HEATR3: variants seen among roughly 807,000 people sequenced by gnomAD.
HEATR3 encodes HEAT repeat-containing protein 3.
A neutral mutation model predicts 72.8 loss-of-function variants in HEATR3; 56 were observed. The observed-to-expected ratio is 0.77, with a 90% CI of 0.62 to 0.96. The LOEUF (loss-of-function observed/expected upper bound fraction) is 0.96, where lower values mean the gene tolerates loss of function less well. HEATR3 is among the 40% of genes least tolerant of loss of function. The probability of loss-of-function intolerance (pLI) is 0.00; values close to 1 mark genes in which losing one functional copy is unlikely to be tolerated. For missense variants in HEATR3, 747 were observed against 831.4 expected, an observed-to-expected ratio of 0.90 and a Z score of 1.25; for synonymous variants, 331 against 318.1, an observed-to-expected ratio of 1.04 and a Z score of -0.43.
In HEATR3 at chr16:50,084,178, A is replaced by G; in HGVS notation, c.1177A>G (p.Ser393Gly). Residue 393 changes from serine (S) to glycine (G), a missense_variant, in exon 9 of 15, where the codon AGT becomes GGT. Ser to Gly is a moderately conservative substitution (Grantham distance 56, BLOSUM62 0). This residue lies in a region of HEATR3 where 586 missense variants were observed against 708.8 expected (regional missense o/e 0.83). Coordinates refer to ENST00000299192, the MANE Select transcript of HEATR3 (RefSeq NM_182922.4). Reference protein sequence around the residue: ...EWEELSSSDESDAFMENSFSE... With the variant: ...EWEELSSSDEGDAFMENSFSE... ...GGAAGAGCTTTCTAGCAGTGATGAA[A>G]GTGACGCATTTATGGAGAATTCCTT... 6.2e-7 allele frequency: 1 copy of G among 1,614,158 alleles called. No homozygotes were observed. The highest frequency in any genetic ancestry group is 8.5e-7 in the Non-Finnish European group (1 of 1,180,036).
At chr16:50,096,075 A>G (rs62029887) in intron 12 of HEATR3, among the ~76,000 whole-genome samples, 10,554 of 152,184 alleles carry the variant, frequency 0.069, 502 homozygotes, top group Middle Eastern at 0.14. Context: ...CTGTAATCCC[A>G]GCACTTTGGG....
At chr16:50,069,611 G>A (rs527606545) in intron 3 of HEATR3, among the ~76,000 whole-genome samples, 3 of 152,268 alleles carry the variant, frequency 2.0e-5, no homozygotes, top group Non-Finnish European at 2.9e-5. Context: ...AAATGCACAC[G>A]ACAGCCCTTC....
At chr16:50,075,898 A>G (rs1375472171) in intron 6 of HEATR3, among the ~76,000 whole-genome samples, 187 bp downstream of exon 6, 1 of 152,214 alleles carries the variant, frequency 6.6e-6, no homozygotes, top group Admixed American at 6.5e-5. Flanking sequence ...ATCCTTGTAG[A>G]ATAGATTTGT....
In HEATR3 at chr16:50,066,494, T is replaced by G. The variant is rs1390855482; in HGVS notation, c.266T>G (p.Leu89Arg). ...DAVRRLGPLL[L>R]DPSLAVRETA... ...GTGCGCCGCCTCGGGCCGCTGCTGC[T>G]AGACCCCAGCCTGGCCGTCAGGGAG... Residue 89 changes from leucine (L) to arginine (R), a missense_variant, in exon 2 of 15, where the codon CTA becomes CGA. This residue lies in a region of HEATR3 where 586 missense variants were observed against 708.8 expected (regional missense o/e 0.83). Transcript: ENST00000299192. 2 of 1,337,076 alleles carry G rather than the reference T, an allele frequency of 1.5e-6. No individual in the cohort carries two copies. 82.8% of individuals were successfully genotyped at this position (1,337,076 alleles called of 1,614,324 possible).
In HEATR3 at chr16:50,107,043, T is replaced by G. The variant is rs1232253580; in HGVS notation, c.*1982T>G. Among the ~76,000 whole-genome samples the G allele has an allele frequency of 2.0e-5, 3 of 152,186 alleles. No homozygotes were observed. Among genetic ancestry groups the G allele is most frequent in the Non-Finnish European group, 4.4e-5 (3 of 68,054 alleles). ...CAGCTAAATGATTGGCCCAAGCATGTCTCCTTGGAGAACGACTCTTCCAAA... is the reference window on the plus strand; with the variant it reads ...CAGCTAAATGATTGGCCCAAGCATGGCTCCTTGGAGAACGACTCTTCCAAA... On this transcript the variant is annotated 3_prime_UTR_variant, in exon 15 of 15. Transcript: ENST00000299192.
chr16:50,100,212 C>T lies in HEATR3; in HGVS notation c.1600-18C>T, dbSNP rs769254141. 2 of 1,606,796 alleles carry T rather than the reference C, an allele frequency of 1.2e-6. No homozygotes were observed. Among genetic ancestry groups the T allele is most frequent in the South Asian group, 1.1e-5 (1 of 89,728 alleles). ...TTGAGTTTAACATTATAAATACTGT[C>T]CTCTTCTCTTTTAACAGTGCATGAC... On this transcript the variant is annotated intron_variant, in intron 12 of 14. Transcript: ENST00000299192.
chr16:50,094,345 C>T (rs2037183584), intron 11 of HEATR3, among the ~76,000 whole-genome samples: 1 of 152,224 alleles, frequency 6.6e-6, no homozygotes, highest in Non-Finnish European at 1.5e-5. Flanking sequence ...TAGTTCTACC[C>T]AGCACCCTGA....
chr16:50,069,502 A>G (rs902362715), intron 3 of HEATR3, among the ~76,000 whole-genome samples: 2 of 152,222 alleles, frequency 1.3e-5, no homozygotes, highest in Non-Finnish European at 2.9e-5. Context: ...TTCACAGGGC[A>G]TAACTGGCAA....
At chr16:50,082,339 T>C (rs1482354766) in intron 7 of HEATR3, among the ~76,000 whole-genome samples, 2 of 151,512 alleles carry the variant, frequency 1.3e-5, no homozygotes, top group Non-Finnish European at 2.9e-5. Flanking sequence ...CAAGACTCTG[T>C]CTCCAAAAAA....
chr16:50,094,569 AG>A (rs201933549), intron 11 of HEATR3, 135 bp from the exon 12 acceptor site: 67 of 515,030 alleles, frequency 1.3e-4, no homozygotes, highest in South Asian at 1.6e-4. Context: ...TTAAATATCG[AG>A]GGTTTTTTTT....
At position 50,105,040 on chromosome 16, in the gene HEATR3, T is replaced by C; in HGVS notation, c.2022T>C (p.Val674=). ...LRRFIAYQET[V]EKRLTS is the part of the protein sequence containing the mutation. ...GATTTATTGCTTATCAAGAAACTGTTGAGAAAAGACTGACTTCTTAAACAA... is the reference window on the plus strand; with the variant it reads ...GATTTATTGCTTATCAAGAAACTGTCGAGAAAAGACTGACTTCTTAAACAA... Residue 674 remains valine (V), a synonymous_variant, in exon 15 of 15, where the codon GTT becomes GTC. Coordinates refer to ENST00000299192, the MANE Select transcript of HEATR3 (RefSeq NM_182922.4). 1.9e-6 allele frequency: 3 copies of C among 1,612,184 alleles called. No individual in the cohort carries two copies. The highest frequency in any genetic ancestry group is 2.5e-6 in the Non-Finnish European group (3 of 1,179,570).
chr16:50,101,972 GA>G (rs1375136119), intron 13 of HEATR3, among the ~76,000 whole-genome samples: 1 of 152,132 alleles, frequency 6.6e-6, no homozygotes, highest in Non-Finnish European at 1.5e-5. Flanking sequence ...ACATCATGGA[GA>G]AATCCTTTTT....
At chr16:50,089,909 C>A (rs1367255680) in intron 11 of HEATR3, among the ~76,000 whole-genome samples, 3 of 152,160 alleles carry the variant, frequency 2.0e-5, no homozygotes, top group African/African-American at 7.2e-5. Flanking sequence ...TTGTGATCCA[C>A]CCGCCTCGAC....
At position 50,105,122 on chromosome 16, in the gene HEATR3, GT is replaced by G; in HGVS notation, c.*65del. The G allele has an allele frequency of 2.0e-6, 3 of 1,523,220 alleles. No individual in the cohort carries two copies. The South Asian group carries it at 3.6e-5, about 18-fold the overall frequency. The allele number at this position is 1,523,220 out of a possible 1,614,324, so 94.4% of individuals were successfully genotyped here. On this transcript the variant is annotated 3_prime_UTR_variant, in exon 15 of 15. Transcript: ENST00000299192. ...TATTCAATGCTTAGAATACTAAAAG[GT>G]TTTCTTTGAATGTATATGTTTCTGA...
intron 4 of HEATR3, among the ~76,000 whole-genome samples, chr16:50,070,558 C>T (rs925151137): frequency 3.3e-5 from 5 of 152,064 alleles, no homozygotes; most frequent in Non-Finnish European, 2.9e-5. Flanking sequence ...AAAAATTAGC[C>T]GAGTGTGGTG....
At chr16:50,082,525 G>T (rs148422364) in intron 7 of HEATR3, among the ~76,000 whole-genome samples, 23 of 150,092 alleles carry the variant, frequency 1.5e-4, no homozygotes, top group African/African-American at 5.1e-4. Context: ...CCAATAAGTA[G>T]AATTCAAATT....
At position 50,083,998 on chromosome 16, in the gene HEATR3, A is replaced by G; in HGVS notation, c.1103A>G (p.Glu368Gly). 1.2e-6 allele frequency: 2 copies of G among 1,613,838 alleles called. No individual in the cohort carries two copies. The highest frequency in any genetic ancestry group is 1.7e-5 in the Admixed American group (1 of 60,002). ...ALLTAQQTAL[E>G]IIVNMCCNED... is the part of the protein sequence containing the mutation. ...CTGACAGCCCAACAGACTGCTCTGG[A>G]AATTATTGTCAACATGTGCTGCAAT... Residue 368 changes from glutamate to glycine, a missense_variant, in exon 8 of 15, where the codon GAA becomes GGA. Glu to Gly is a moderately conservative substitution (Grantham distance 98, BLOSUM62 -2). Coordinates refer to ENST00000299192, the MANE Select transcript of HEATR3 (RefSeq NM_182922.4).
In HEATR3 at chr16:50,066,066, C is replaced by T; in HGVS notation, c.-66C>T. ...GCAGCAACGGACCTTGTTAACGGCG[C>T]GGCAGCCTCCACCGCCTGCTGTTGC... On this transcript the variant is annotated 5_prime_UTR_variant, in exon 1 of 15. Transcript: ENST00000299192. The T allele has an allele frequency of 2.6e-6, 4 of 1,516,640 alleles. No homozygotes were observed. Among genetic ancestry groups the T allele is most frequent in the Admixed American group, 4.0e-5 (2 of 49,888 alleles). 93.9% of individuals were successfully genotyped at this position (1,516,640 alleles called of 1,614,324 possible). A position where few individuals can be genotyped will look rare whatever the true frequency, so the allele number is the denominator to read the frequency against.
At chr16:50,081,593 A>G (rs1455134366) in intron 7 of HEATR3, among the ~76,000 whole-genome samples, 2 of 152,228 alleles carry the variant, frequency 1.3e-5, no homozygotes, top group Non-Finnish European at 2.9e-5. Flanking sequence ...GATGATTAAC[A>G]TGCTAGTCGG....
Sources: allele counts gnomAD v4.1 joint callset (sites outside exome capture counted in the v4.1 genomes callset), GRCh38; gene constraint gnomAD v4.1.1; regional missense constraint gnomAD v4.1.1; transcripts MANE v1.5; gene names NCBI Gene and HGNC (gene_info 2026-07-23, HGNC 2026-07-21).